EYA2: variants seen among roughly 807,000 people sequenced by gnomAD.
The protein encoded by EYA2 is EYA transcriptional coactivator and phosphatase 2.
A neutral mutation model predicts 69.2 loss-of-function variants in EYA2; 31 were observed. That is an observed-to-expected ratio of 0.45 (90% confidence interval 0.34 to 0.60). The LOEUF (loss-of-function observed/expected upper bound fraction) is 0.60, where lower values mean the gene tolerates loss of function less well. EYA2 is among the 20% of genes least tolerant of loss of function. The probability of loss-of-function intolerance (pLI) is 0.02; values close to 1 mark genes in which losing one functional copy is unlikely to be tolerated. For missense variants in EYA2, 622 were observed against 701.2 expected (o/e 0.89, Z 1.28); for synonymous variants, 257 against 279.4 (o/e 0.92, Z 0.80).
intron 5 of EYA2, among the ~76,000 whole-genome samples, chr20:47,019,325 T>A (rs987863455): frequency 2.6e-5 from 4 of 152,252 alleles, no homozygotes; most frequent in African/African-American, 9.6e-5. Context: ...TTCGTCCCAA[T>A]TAACTGCCTT....
intron 1 of EYA2, among the ~76,000 whole-genome samples, chr20:46,919,525 C>A (rs963393853): frequency 3.3e-5 from 5 of 152,232 alleles, no homozygotes; most frequent in Admixed American, 1.3e-4. Context: ...TTTTCTTCTG[C>A]AGCTTCCTCA....
At chr20:46,924,482 A>G (rs1985317430) in intron 1 of EYA2, among the ~76,000 whole-genome samples, 1 of 152,126 alleles carries the variant, frequency 6.6e-6, no homozygotes, top group Non-Finnish European at 1.5e-5. Context: ...CATCCTGGCT[A>G]ACACGGTGAA....
intron 1 of EYA2, among the ~76,000 whole-genome samples, chr20:46,954,828 A>G (rs1979022408): frequency 6.6e-6 from 1 of 150,802 alleles, no homozygotes; most frequent in African/African-American, 2.5e-5. Flanking sequence ...ACTACGAGGC[A>G]TTCTCAGAGC....
At chr20:46,978,462 G>T in intron 1 of EYA2, 1 of 432,526 alleles carries the variant, frequency 2.3e-6, no homozygotes, top group African/African-American at 2.0e-5. Context: ...GTTCCAGGCA[G>T]AGGGAACAGC....
chr20:47,026,186 A>G (rs528617815), intron 5 of EYA2, among the ~76,000 whole-genome samples: 1 of 152,352 alleles, frequency 6.6e-6, no homozygotes, highest in South Asian at 2.1e-4. Context: ...GTCAGTGGGA[A>G]AATATGAACT....
chr20:46,940,268 G>A (rs1354780298), intron 1 of EYA2, among the ~76,000 whole-genome samples: 1 of 152,218 alleles, frequency 6.6e-6, no homozygotes, highest in Admixed American at 6.5e-5. Context: ...AGGCATAGCT[G>A]TAAGTGCTTT....
chr20:47,070,430 A>G (rs1041904852), intron 5 of EYA2, among the ~76,000 whole-genome samples: 4 of 152,360 alleles, frequency 2.6e-5, no homozygotes, highest in Admixed American at 1.3e-4. Context: ...ACTCTCGTGC[A>G]TTACCAGTCA....
Position 46,989,616 on chromosome 20 carries a change from G to C in EYA2, c.-10-385G>C, listed in dbSNP as rs549280964. Among the ~76,000 whole-genome samples the C allele has an allele frequency of 6.4e-4, 98 of 152,130 alleles. 1 individual carries two copies. Among genetic ancestry groups the C allele is most frequent in the African/African-American group, 2.2e-3 (93 of 41,400 alleles). ...AACTCCACGTTCTCCCCAAGCCTCT[G>C]GCTTTTGGAAATCTAAATCCAAACG... On this transcript the variant is annotated intron_variant, in intron 1 of 15. Transcript: ENST00000327619.
At position 47,011,401 on chromosome 20, in the gene EYA2, T is replaced by C. The variant is rs994920010; in HGVS notation, c.299-4780T>C. On this transcript the variant is annotated intron_variant, in intron 4 of 15. Coordinates refer to ENST00000327619, the MANE Select transcript of EYA2 (RefSeq NM_005244.5). The stretch of plus-strand genomic sequence containing the variant: ...GAACCATCTCCTGTCTCTCCTCTGC[T>C]CAGATCCCTCCAGGGCCCCTCTCAG... Among the ~76,000 whole-genome samples the C allele has an allele frequency of 4.6e-5, 7 of 152,292 alleles. No individual in the cohort carries two copies. In the East Asian group the frequency reaches 7.7e-4, roughly 17 times the overall value.
At chr20:46,957,872 C>T (rs1979232458) in intron 1 of EYA2, among the ~76,000 whole-genome samples, 1 of 152,180 alleles carries the variant, frequency 6.6e-6, no homozygotes, top group Non-Finnish European at 1.5e-5. Context: ...TTCTAGGGCT[C>T]TCTTGTGAAT....
At position 47,036,460 on chromosome 20, in the gene EYA2, G is replaced by T. The variant is rs1480527772; in HGVS notation, c.415+20163G>T. Among the ~76,000 whole-genome samples, 2 of 152,168 alleles carry T rather than the reference G, an allele frequency of 1.3e-5. 1 individual carries two copies. Among genetic ancestry groups the T allele is most frequent in the Non-Finnish European group, 2.9e-5 (2 of 68,028 alleles). Reference sequence around the variant, plus strand: ...CAGCCCAGGGTTCTGGTGCACACGGGCATTATGGTCCTGCCGTGGCAGGGC... The same window carrying T: ...CAGCCCAGGGTTCTGGTGCACACGGTCATTATGGTCCTGCCGTGGCAGGGC... On this transcript the variant is annotated intron_variant, in intron 5 of 15. Transcript: ENST00000327619.
intron 5 of EYA2, among the ~76,000 whole-genome samples, chr20:47,021,325 T>C (rs1983732219): frequency 6.6e-6 from 1 of 152,104 alleles, no homozygotes; most frequent in Non-Finnish European, 1.5e-5. Context: ...AACTCTGTGT[T>C]GTAGGGAGAC....
intron 9 of EYA2, among the ~76,000 whole-genome samples, chr20:47,098,142 T>C (rs1380759756): frequency 1.3e-5 from 2 of 152,180 alleles, no homozygotes; most frequent in African/African-American, 4.8e-5. Flanking sequence ...GTAAAGAATA[T>C]AAAAATGGTG....
intron 9 of EYA2, among the ~76,000 whole-genome samples, chr20:47,135,842 C>CAAAAAAAAAAAA (rs1266669397): frequency 3.7e-5 from 2 of 54,024 alleles, no homozygotes; most frequent in Admixed American, 2.1e-4. Context: ...AAAAAAAAAA[C>CAAAAAAAAAAAA]AAACAAACAA....
chr20:47,146,475 G>A (rs975580013), intron 10 of EYA2, among the ~76,000 whole-genome samples: 1 of 152,164 alleles, frequency 6.6e-6, no homozygotes, highest in Admixed American at 6.5e-5. Context: ...TTACCAGCTG[G>A]AGCTACTTAG....
At chr20:47,141,243 G>A (rs779128017) in intron 9 of EYA2, among the ~76,000 whole-genome samples, 3 of 151,288 alleles carry the variant, frequency 2.0e-5, no homozygotes, top group African/African-American at 2.4e-5. Flanking sequence ...ATATTAGCCA[G>A]GAATATTATT....
chr20:47,043,546 T>C (rs965637350), intron 5 of EYA2, among the ~76,000 whole-genome samples: 1 of 152,160 alleles, frequency 6.6e-6, no homozygotes, highest in African/African-American at 2.4e-5. Context: ...GAAGGTGGTG[T>C]TTATCCTTTC....
In EYA2 at chr20:46,939,773, A is replaced by G. The variant is rs572463176; in HGVS notation, c.-11+44786A>G. Reference sequence around the variant, plus strand: ...ACACAGCAAAATCTCCAGCCCTCCTACCTTCCATAACGGGTTTGCTCATCC... The same window carrying G: ...ACACAGCAAAATCTCCAGCCCTCCTGCCTTCCATAACGGGTTTGCTCATCC... On this transcript the variant is annotated intron_variant, in intron 1 of 15. Coordinates refer to ENST00000327619, the MANE Select transcript of EYA2 (RefSeq NM_005244.5). Among the ~76,000 whole-genome samples the G allele has an allele frequency of 1.3e-4, 20 of 152,270 alleles. 1 individual carries two copies. In the East Asian group the frequency reaches 2.5e-3, roughly 19 times the overall value.
intron 1 of EYA2, among the ~76,000 whole-genome samples, chr20:46,952,369 C>T (rs151026641): frequency 5.9e-5 from 9 of 152,260 alleles, no homozygotes; most frequent in South Asian, 4.1e-4. Context: ...TCATGGGTTG[C>T]GCTTGGCTCT....
Sources: allele counts gnomAD v4.1 joint callset (sites outside exome capture counted in the v4.1 genomes callset), GRCh38; gene constraint gnomAD v4.1.1; transcripts MANE v1.5; gene names NCBI Gene and HGNC (gene_info 2026-07-23, HGNC 2026-07-21).